MYH10: variants seen among roughly 807,000 people sequenced by gnomAD.
MYH10 encodes myosin heavy chain 10.
In MYH10, 55 loss-of-function variants were observed where a neutral mutation model predicts 257.8. The ratio of observed to expected loss-of-function variants is 0.21; its 90% confidence interval spans 0.17 to 0.27. The LOEUF (loss-of-function observed/expected upper bound fraction) is 0.27. Among genes scored for constraint, MYH10 ranks in the 10% least tolerant of loss-of-function variants. The pLI is 1.00. For missense variants in MYH10, 1,631 were observed against 2,500.6 expected (o/e 0.65, Z 7.42); for synonymous variants, 854 against 921.7 (o/e 0.93, Z 1.33).
chr17:8,601,424 A>C (rs1049488516), intron 3 of MYH10, among the ~76,000 whole-genome samples: 1 of 152,226 alleles, frequency 6.6e-6, no homozygotes, highest in African/African-American at 2.4e-5. Flanking sequence ...CAAGGTATGC[A>C]AGATGAAGCG....
At chr17:8,560,906 G>T (rs2082969049) in intron 7 of MYH10, 1 of 502,632 alleles carries the variant, frequency 2.0e-6, no homozygotes, top group African/African-American at 1.9e-5. Context: ...GGAGTGCTCT[G>T]GGTCCGGGAA....
chr17:8,566,232 A>G (rs1048704164), intron 7 of MYH10, among the ~76,000 whole-genome samples: 1 of 152,200 alleles, frequency 6.6e-6, no homozygotes, highest in East Asian at 1.9e-4. Context: ...ACATACATCA[A>G]TGATGGAAAT....
chr17:8,533,522 C>T (rs1232981775), intron 16 of MYH10, among the ~76,000 whole-genome samples: 10 of 152,194 alleles, frequency 6.6e-5, no homozygotes, highest in Non-Finnish European at 1.3e-4. Flanking sequence ...CCTTCTTACC[C>T]GTTTAAGGCA....
intron 36 of MYH10, among the ~76,000 whole-genome samples, chr17:8,485,507 G>A (rs1914613194): frequency 6.7e-6 from 1 of 149,428 alleles, no homozygotes; most frequent in African/African-American, 2.5e-5. Flanking sequence ...GGCAGGTGTG[G>A]AAATCATTTA....
chr17:8,484,179 TC>T lies in MYH10; in HGVS notation c.5133del (p.Lys1712AsnfsTer2). The T allele has an allele frequency of 6.2e-7, 1 of 1,609,586 alleles. No individual in the cohort carries two copies. Among genetic ancestry groups the T allele is most frequent in the Non-Finnish European group, 8.5e-7 (1 of 1,178,670 alleles). ...ATTTCTGCTTCCAGACTCTTCAATTTCTTTTCACTCTCTTTGGATTGAGCAA... is the reference window on the plus strand; with the variant it reads ...ATTTCTGCTTCCAGACTCTTCAATTTTTTTCACTCTCTTTGGATTGAGCAA... ...EIFAQSKESEKKLKSLEAEIL... is the reference protein window; with the variant it reads ...EIFAQSKESEXKLKSLEAEIL... On this transcript the variant is annotated frameshift_variant, in exon 37 of 43. Coordinates refer to ENST00000360416, the MANE Select transcript of MYH10 (RefSeq NM_001256012.3). LOFTEE classifies it high-confidence loss of function.
intron 24 of MYH10, chr17:8,511,019 T>TATATATATATATAA (rs1567822899): frequency 1.7e-3 from 6 of 3,536 alleles, no homozygotes; most frequent in African/African-American, 2.1e-3. Flanking sequence ...GTACCCCATA[T>TATATATATATATAA]ATATATATAT....
chr17:8,480,031 C>G (rs1326614186), intron 40 of MYH10, 79 bp downstream of exon 40: 1 of 1,455,694 alleles, frequency 6.9e-7, no homozygotes. Context: ...GGGGAGCCCC[C>G]CCGAAAGGGG....
chr17:8,546,786 T>TA (rs2082459219), intron 11 of MYH10, 124 bp from the exon 12 acceptor site: 1 of 651,570 alleles, frequency 1.5e-6, no homozygotes. Flanking sequence ...ATAAAAGTCT[T>TA]AAAATCAGAC....
chr17:8,572,234 G>GTGTT (rs796661907), intron 6 of MYH10, among the ~76,000 whole-genome samples: 202 of 88,070 alleles, frequency 2.3e-3, no homozygotes, highest in East Asian at 0.01. Context: ...CTCTCTGTGT[G>GTGTT]TGTGTGTGTG....
intron 28 of MYH10, among the ~76,000 whole-genome samples, chr17:8,503,583 C>T (rs1041287889): frequency 2.6e-5 from 4 of 152,182 alleles, no homozygotes; most frequent in East Asian, 1.9e-4. Flanking sequence ...ATTCTTTCCA[C>T]GACCAAGTGC....
Position 8,493,753 on chromosome 17 carries a change from C to G in MYH10, c.4189G>C (p.Val1397Leu). The G allele has an allele frequency of 6.2e-7, 1 of 1,613,896 alleles. No homozygotes were observed. Among genetic ancestry groups the G allele is most frequent in the Non-Finnish European group, 8.5e-7 (1 of 1,179,900 alleles). ...CACACCTGGGACTGCAGGGCCAGCA[C>G]TTGCTTCTCCAGGTTCTTCCTGGCC... ...EEARKNLEKQ[V>L]LALQSQLADT... Residue 1397 changes from valine (V) to leucine (L), a missense_variant, in exon 32 of 43, where the codon GTG becomes CTG. By Grantham distance (32) the Val-to-Leu change is conservative. This residue lies in a region of MYH10 where 463 missense variants were observed against 621.8 expected (regional missense o/e 0.74). Coordinates refer to ENST00000360416, the MANE Select transcript of MYH10 (RefSeq NM_001256012.3).
In MYH10 at chr17:8,475,311, G is replaced by A. The variant is rs1912357517; in HGVS notation, c.*493C>T. 1 of 153,498 alleles carries A rather than the reference G, an allele frequency of 6.5e-6. No individual in the cohort carries two copies. Among genetic ancestry groups the A allele is most frequent in the Non-Finnish European group, 1.5e-5 (1 of 68,952 alleles). The allele number at this position is 153,498 out of a possible 1,614,324, so 9.5% of individuals were successfully genotyped here. A position where few individuals can be genotyped will look rare whatever the true frequency, so the allele number is the denominator to read the frequency against. On this transcript the variant is annotated 3_prime_UTR_variant, in exon 43 of 43. Transcript: ENST00000360416. ...GAAATAGCATTGATCATTATTTGAA[G>A]GAAATGAGAGAGACAAGTGCAGTTT...
At chr17:8,591,839 G>A (rs2084153540) in intron 3 of MYH10, among the ~76,000 whole-genome samples, 1 of 151,848 alleles carries the variant, frequency 6.6e-6, no homozygotes, top group Non-Finnish European at 1.5e-5. Context: ...TTTGTTATTT[G>A]TCTGTCTGAT....
At position 8,622,958 on chromosome 17, in the gene MYH10, T is replaced by G. The variant is rs769183775; in HGVS notation, c.289A>C (p.Asn97His). 5 of 1,614,066 alleles carry G rather than the reference T, an allele frequency of 3.1e-6. No homozygotes were observed. Among genetic ancestry groups the G allele is most frequent in the Non-Finnish European group, 4.2e-6 (5 of 1,180,024 alleles). The change falls in exon 2 of 43, where the codon AAT (asparagine) becomes CAT (histidine). Residue 97 changes from asparagine (N) to histidine (H), a missense_variant. Coordinates refer to ENST00000360416, the MANE Select transcript of MYH10 (RefSeq NM_001256012.3). ...VEDMAELTCLNEASVLHNLKD... is the reference protein window; with the variant it reads ...VEDMAELTCLHEASVLHNLKD... The stretch of plus-strand genomic sequence containing the variant: ...AGATTATGTAAAACGGAAGCTTCAT[T>G]CAAGCATGTCAATTCTGCCATATCC...
intron 14 of MYH10, 142 bp downstream of exon 14, chr17:8,541,965 A>T (rs2151945058): frequency 1.3e-6 from 1 of 779,830 alleles, no homozygotes; most frequent in East Asian, 2.8e-5. Context: ...CTATTTTATC[A>T]GAGTATCACC....
chr17:8,509,344 G>C (rs1363875104), intron 25 of MYH10, among the ~76,000 whole-genome samples: 3 of 152,048 alleles, frequency 2.0e-5, no homozygotes, highest in Non-Finnish European at 4.4e-5. Flanking sequence ...TACACTCTAT[G>C]ATGTTTGTAC....
Position 8,527,454 on chromosome 17 carries a change from G to A in MYH10, c.1957+3169C>T, listed in dbSNP as rs143312168. ...GCCTACAGCTTCCACTGTGCTCTGC[G>A]CTCGCTTTCTCCCGTTGTGGGGTCC... On this transcript the variant is annotated intron_variant, in intron 17 of 42. Coordinates refer to ENST00000360416, the MANE Select transcript of MYH10 (RefSeq NM_001256012.3). Among the ~76,000 whole-genome samples, 1,171 of 152,282 alleles carry A rather than the reference G, an allele frequency of 7.7e-3. 10 individuals carry two copies. Among genetic ancestry groups the A allele is most frequent in the Middle Eastern group, 0.014 (4 of 294 alleles).
chr17:8,596,104 C>T (rs550509186), intron 3 of MYH10, among the ~76,000 whole-genome samples: 1 of 148,994 alleles, frequency 6.7e-6, no homozygotes, highest in African/African-American at 2.5e-5. Flanking sequence ...GTTAAAAGTA[C>T]TTATGTTTAT....
chr17:8,600,127 C>T (rs570192139), intron 3 of MYH10, among the ~76,000 whole-genome samples: 31 of 152,128 alleles, frequency 2.0e-4, no homozygotes, highest in Non-Finnish European at 4.4e-4. Flanking sequence ...GTGAGCATAA[C>T]TCCAGAAGCA....
Sources: allele counts gnomAD v4.1 joint callset (sites outside exome capture counted in the v4.1 genomes callset), GRCh38; gene constraint gnomAD v4.1.1; regional missense constraint gnomAD v4.1.1; transcripts MANE v1.5; gene names NCBI Gene and HGNC (gene_info 2026-07-23, HGNC 2026-07-21).